CGNL1: variants seen among roughly 807,000 people sequenced by gnomAD.
CGNL1 encodes the protein cingulin like 1, also known as cingulin-like protein 1.
In CGNL1, 132 loss-of-function variants were observed where a neutral mutation model predicts 141.2. The ratio of observed to expected loss-of-function variants is 0.93; its 90% CI spans 0.81 to 1.08. The LOEUF (loss-of-function observed/expected upper bound fraction) is 1.08. CGNL1 is among the 50% of genes least tolerant of loss of function. The probability of loss-of-function intolerance (pLI) is 0.00; values close to 1 mark genes in which losing one functional copy is unlikely to be tolerated. For missense variants in CGNL1, 1,870 were observed against 1,588.6 expected, an observed-to-expected ratio of 1.18 and a Z score of -3.01; for synonymous variants, 690 against 622.1, an observed-to-expected ratio of 1.11 and a Z score of -1.63.
At chr15:57,398,616 G>A (rs1376352233) in intron 1 of CGNL1, among the ~76,000 whole-genome samples, 2 of 152,168 alleles carry the variant, frequency 1.3e-5, no homozygotes, top group African/African-American at 4.8e-5. Context: ...GCAGCGTGTT[G>A]TTTGAAAAAC....
chr15:57,488,431 G>A (rs2063813570), intron 8 of CGNL1, among the ~76,000 whole-genome samples: 1 of 152,000 alleles, frequency 6.6e-6, no homozygotes, highest in Non-Finnish European at 1.5e-5. Flanking sequence ...TTTTCTGTTG[G>A]TACTTGTGTT....
chr15:57,517,764 C>T (rs1481553808), intron 9 of CGNL1, among the ~76,000 whole-genome samples: 1 of 152,194 alleles, frequency 6.6e-6, no homozygotes, highest in Non-Finnish European at 1.5e-5. Context: ...ACAGTTTGAG[C>T]CCATTCATAA....
At position 57,433,387 on chromosome 15, in the gene CGNL1, G is replaced by A. The variant is rs78276240; in HGVS notation, c.-15-4598G>A. Among the ~76,000 whole-genome samples the A allele has an allele frequency of 6.3e-3, 965 of 152,290 alleles. 13 individuals are homozygous for A. The highest frequency in any genetic ancestry group is 0.022 in the African/African-American group (894 of 41,562). On this transcript the variant is annotated intron_variant, in intron 1 of 18. Coordinates refer to ENST00000281282, the MANE Select transcript of CGNL1 (RefSeq NM_032866.5). ...AAAATTCCACTCAAATGGTAGTAAGGGGAGAAAAAATGTTTAAACCTGCAA... is the reference window on the plus strand; with the variant it reads ...AAAATTCCACTCAAATGGTAGTAAGAGGAGAAAAAATGTTTAAACCTGCAA...
intron 8 of CGNL1, among the ~76,000 whole-genome samples, chr15:57,490,069 T>A (rs1387401656): frequency 6.6e-6 from 1 of 152,186 alleles, no homozygotes; most frequent in Non-Finnish European, 1.5e-5. Flanking sequence ...ACAATTTCTC[T>A]ACTGTAGACT....
At chr15:57,478,535 C>T (rs1269169303) in intron 8 of CGNL1, among the ~76,000 whole-genome samples, 1 of 152,146 alleles carries the variant, frequency 6.6e-6, no homozygotes, top group East Asian at 1.9e-4. Context: ...AAAGCCTGCT[C>T]CAGAGCAGTG....
chr15:57,474,321 G>C (rs2934444), intron 8 of CGNL1, among the ~76,000 whole-genome samples: 40,954 of 152,036 alleles, frequency 0.27, 5,890 homozygotes, highest in African/African-American at 0.31. Flanking sequence ...ACAACTGATA[G>C]AACATTTTGA....
Position 57,493,463 on chromosome 15 carries a change from G to A in CGNL1, c.2404-23317G>A, listed in dbSNP as rs562109564. Among the ~76,000 whole-genome samples the A allele has an allele frequency of 7.2e-5, 11 of 152,278 alleles. No individual in the cohort carries two copies. The South Asian group carries it at 2.3e-3, about 32-fold the overall frequency. On this transcript the variant is annotated intron_variant, in intron 8 of 18. Coordinates refer to ENST00000281282, the MANE Select transcript of CGNL1 (RefSeq NM_032866.5). ...TCAAGACTGTACGTGACCCAAAGCA[G>A]GCAGAGACAGCCCAAGTACAATATG... is the stretch of plus-strand genomic sequence containing the variant.
chr15:57,514,661 T>C (rs369748612), intron 8 of CGNL1, among the ~76,000 whole-genome samples: 3 of 152,244 alleles, frequency 2.0e-5, no homozygotes, highest in East Asian at 3.8e-4. Flanking sequence ...TTTGGTGTTG[T>C]AGCTAAGTAG....
intron 3 of CGNL1, 114 bp downstream of exon 3, chr15:57,440,585 G>A (rs1179133618): frequency 1.2e-6 from 1 of 819,634 alleles, no homozygotes; most frequent in Non-Finnish European, 2.0e-6. Flanking sequence ...GCCAGCCGTT[G>A]GAGGGTTAAA....
At chr15:57,471,036 C>A (rs1270960805) in intron 8 of CGNL1, among the ~76,000 whole-genome samples, 1 of 152,174 alleles carries the variant, frequency 6.6e-6, no homozygotes, top group Non-Finnish European at 1.5e-5. Context: ...TTTAGTGAAA[C>A]TCAAGAGTTA....
chr15:57,378,648 G>T (rs1362827429), intron 1 of CGNL1, among the ~76,000 whole-genome samples: 1 of 152,028 alleles, frequency 6.6e-6, no homozygotes, highest in Non-Finnish European at 1.5e-5. Context: ...CTCTCAAAGT[G>T]CTGGGATTAC....
intron 8 of CGNL1, among the ~76,000 whole-genome samples, chr15:57,513,360 A>G (rs944560335): frequency 6.6e-6 from 1 of 151,002 alleles, no homozygotes; most frequent in Non-Finnish European, 1.5e-5. Context: ...GTGTGTCAGT[A>G]TTTCATTCCT....
At chr15:57,510,945 T>C (rs1399840006) in intron 8 of CGNL1, among the ~76,000 whole-genome samples, 1 of 152,132 alleles carries the variant, frequency 6.6e-6, no homozygotes, top group East Asian at 1.9e-4. Flanking sequence ...GGCCCAGAGG[T>C]ACCCATGAAA....
chr15:57,519,620 T>G (rs548888824), intron 10 of CGNL1, among the ~76,000 whole-genome samples: 1 of 152,328 alleles, frequency 6.6e-6, no homozygotes, highest in Admixed American at 6.5e-5. Flanking sequence ...TTTCTTTAAA[T>G]CTAGATCTTC....
chr15:57,389,004 C>A (rs905524593), intron 1 of CGNL1, among the ~76,000 whole-genome samples: 1 of 151,742 alleles, frequency 6.6e-6, no homozygotes, highest in Non-Finnish European at 1.5e-5. Flanking sequence ...ATGAAGACTT[C>A]GGAGTCAAAC....
chr15:57,439,448 T>A lies in CGNL1; in HGVS notation c.1449T>A (p.Arg483=). 1 of 1,614,186 alleles carries A rather than the reference T, an allele frequency of 6.2e-7. No homozygotes were observed. Among genetic ancestry groups the A allele is most frequent in the Non-Finnish European group, 8.5e-7 (1 of 1,180,032 alleles). ...GTAGTCAGGAAAGTACAGTGATCCG[T>A]GCGCCCTCCCTTGGTGCACAGAGTA... ...TEGSQESTVI[R]APSLGAQSKK... is the part of the protein sequence containing the mutation. Residue 483 remains arginine, a synonymous_variant, in exon 2 of 19, where the codon CGT becomes CGA. Transcript: ENST00000281282.
At chr15:57,411,593 G>A (rs750247820) in intron 1 of CGNL1, among the ~76,000 whole-genome samples, 11 of 151,760 alleles carry the variant, frequency 7.2e-5, no homozygotes, top group Non-Finnish European at 1.3e-4. Context: ...ACAGGTGTCC[G>A]CCACCATGCC....
At position 57,444,355 on chromosome 15, in the gene CGNL1, G is replaced by A. The variant is rs115963970; in HGVS notation, c.1803+1877G>A. Among the ~76,000 whole-genome samples, 752 of 152,192 alleles carry A rather than the reference G, an allele frequency of 4.9e-3. 2 individuals are homozygous for A. Among genetic ancestry groups the A allele is most frequent in the African/African-American group, 0.017 (707 of 41,516 alleles). ...TCTTGGTGTACATTTCTGGTTTGGGGCTATTAGGAATAAAGCTACTGTGAA... is the reference window on the plus strand; with the variant it reads ...TCTTGGTGTACATTTCTGGTTTGGGACTATTAGGAATAAAGCTACTGTGAA... On this transcript the variant is annotated intron_variant, in intron 4 of 18. Coordinates refer to ENST00000281282, the MANE Select transcript of CGNL1 (RefSeq NM_032866.5).
In CGNL1 at chr15:57,528,726, C is replaced by G. The variant is rs779113288; in HGVS notation, c.3112C>G (p.Leu1038Val). Residue 1038 changes from leucine to valine, a missense_variant, in exon 13 of 19, where the codon CTG becomes GTG. Transcript: ENST00000281282. ...TGAAGCACTCACAAAAAGGCAGCTTCTGGAGCAGACGCTGAAGGACCTGGA... is the reference window on the plus strand; with the variant it reads ...TGAAGCACTCACAAAAAGGCAGCTTGTGGAGCAGACGCTGAAGGACCTGGA... Reference protein sequence around the residue: ...QDEALTKRQLLEQTLKDLEYE... With the variant: ...QDEALTKRQLVEQTLKDLEYE... 8 of 1,614,176 alleles carry G rather than the reference C, an allele frequency of 5.0e-6. No homozygotes were observed. Among genetic ancestry groups the G allele is most frequent in the Non-Finnish European group, 5.9e-6 (7 of 1,180,012 alleles).
Sources: gnomAD v4.1 joint callset for allele counts (sites outside exome capture counted in the v4.1 genomes callset) on GRCh38, gnomAD v4.1.1 for gene constraint, MANE v1.5 for transcripts, NCBI Gene and HGNC (gene_info 2026-07-23, HGNC 2026-07-21) for gene names.